The following ELMO3 variants were observed in gnomAD, a reference collection of about 807,000 sequenced individuals.
The protein encoded by ELMO3 is engulfment and cell motility 3.
In ELMO3, 81 loss-of-function variants were observed where a neutral mutation model predicts 89.0. That is an observed-to-expected ratio of 0.91 (90% CI 0.76 to 1.09). The LOEUF (loss-of-function observed/expected upper bound fraction) is 1.09. ELMO3 is among the 50% of genes least tolerant of loss of function. The probability of loss-of-function intolerance (pLI) is 0.00; values close to 1 mark genes in which losing one functional copy is unlikely to be tolerated. For synonymous variants in ELMO3, 406 were observed against 400.6 expected (o/e 1.01, Z -0.16); for missense variants, 959 against 972.8 (o/e 0.99, Z 0.19).
At chr16:67,200,116 C>G in intron 4 of ELMO3, 76 bp from the exon 5 acceptor site, 3 of 1,577,708 alleles carry the variant, frequency 1.9e-6, no homozygotes, top group Non-Finnish European at 2.6e-6. Context: ...AGTTGACGCC[C>G]GGGGCCGCAC....
At position 67,202,785 on chromosome 16, in the gene ELMO3, T is replaced by C. The variant is rs748638555; in HGVS notation, c.1557T>C (p.Pro519=). 3.1e-6 allele frequency: 5 copies of C among 1,613,154 alleles called. No homozygotes were observed. Among genetic ancestry groups the C allele is most frequent in the Non-Finnish European group, 4.2e-6 (5 of 1,179,828 alleles). Reference sequence around the variant, plus strand: ...ACCAGGAGGGCACACTGGCTCCCCCTATACTGTGAGTCTGGGGGGATGGAT... The same window carrying C: ...ACCAGGAGGGCACACTGGCTCCCCCCATACTGTGAGTCTGGGGGGATGGAT... ...RLHQEGTLAP[P]ILELREKLKP... The change falls in exon 15 of 20, where the codon CCT becomes CCC. Residue 519 remains proline, a synonymous_variant. Transcript: ENST00000393997.
rs370040668 is a variant in ELMO3, at chr16:67,202,004, C to T, written c.1078C>T (p.Arg360Cys). The change falls in exon 12 of 20, where the codon CGC becomes TGC. Residue 360 changes from arginine to cysteine, a missense_variant. Coordinates refer to ENST00000393997, the MANE Select transcript of ELMO3 (RefSeq NM_024712.5). ...CAGCAACCCAGCACAGGACCTGGAG[C>T]GCGTGCCCCCCGGTCTGCTGGCCCT... is the stretch of plus-strand genomic sequence containing the variant. Reference protein sequence around the residue: ...SNSNPAQDLERVPPGLLALDN... With the variant: ...SNSNPAQDLECVPPGLLALDN... The T allele has an allele frequency of 1.6e-5, 25 of 1,612,008 alleles. No individual in the cohort carries two copies. Among genetic ancestry groups the T allele is most frequent in the Middle Eastern group, 3.3e-4 (2 of 6,082 alleles).
chr16:67,199,594 G>C lies in ELMO3; in HGVS notation c.119+1G>C. The C allele has an allele frequency of 6.2e-7, 1 of 1,609,614 alleles. No individual in the cohort carries two copies. Among genetic ancestry groups the C allele is most frequent in the Non-Finnish European group, 8.5e-7 (1 of 1,179,242 alleles). On this transcript the variant is annotated splice_donor_variant, in intron 2 of 19. Transcript: ENST00000393997. LOFTEE classifies it high-confidence loss of function. Reference sequence around the variant, plus strand: ...CTGTGCTGAAGGAGGTGTGCGACGCGTGAGTGCTGCCGGGCCAGGGCCTGC... The same window carrying C: ...CTGTGCTGAAGGAGGTGTGCGACGCCTGAGTGCTGCCGGGCCAGGGCCTGC...
At position 67,199,267 on chromosome 16, in the gene ELMO3, A is replaced by G. The variant is rs1401304254; in HGVS notation, c.-60A>G. 6.2e-7 allele frequency: 1 copy of G among 1,612,026 alleles called. No homozygotes were observed. The highest frequency in any genetic ancestry group is 1.7e-5 in the Admixed American group (1 of 59,900). ...TCCCCAGGGGCCCCAGGCCAGGTGC[A>G]CCCTTGGCCGCAGGTGCACGGTCTC... On this transcript the variant is annotated 5_prime_UTR_variant, in exon 1 of 20. Coordinates refer to ENST00000393997, the MANE Select transcript of ELMO3 (RefSeq NM_024712.5).
Position 67,203,323 on chromosome 16 carries a change from G to A in ELMO3, c.1781-4G>A. On this transcript the variant is annotated splice_polypyrimidine_tract_variant and splice_region_variant and intron_variant, in intron 17 of 19. Coordinates refer to ENST00000393997, the MANE Select transcript of ELMO3 (RefSeq NM_024712.5). This position sits in a 1 kb window ranked among gnomAD's most constrained non-coding sequence, Gnocchi z 4.6. ...CAGTGCTCAGCCCAGCCTTCTTCCT[G>A]CAGTCCCTGTGGCCGACATGAGGGC... 1.3e-6 allele frequency: 2 copies of A among 1,596,236 alleles called. No homozygotes were observed. The highest frequency in any genetic ancestry group is 1.7e-6 in the Non-Finnish European group (2 of 1,174,034).
rs1597278593 is a variant in ELMO3 at position 67,199,306 on chromosome 16, C to T, written c.-21C>T. 6.2e-7 allele frequency: 1 copy of T among 1,612,438 alleles called. No individual in the cohort carries two copies. The highest frequency in any genetic ancestry group is 8.5e-7 in the Non-Finnish European group (1 of 1,179,876). ...GTGCACGGTCTCCGGAAAGTGCAGGCGCCCACGTCCCAGCTGGACCATGGC... is the reference window on the plus strand; with the variant it reads ...GTGCACGGTCTCCGGAAAGTGCAGGTGCCCACGTCCCAGCTGGACCATGGC... On this transcript the variant is annotated 5_prime_UTR_variant, in exon 1 of 20. Coordinates refer to ENST00000393997, the MANE Select transcript of ELMO3 (RefSeq NM_024712.5).
chr16:67,201,825 C>T lies in ELMO3; in HGVS notation c.1002C>T (p.Asp334=), dbSNP rs1463915941. 1 of 1,611,822 alleles carries T rather than the reference C, an allele frequency of 6.2e-7. No homozygotes were observed. Among genetic ancestry groups the T allele is most frequent in the Non-Finnish European group, 8.5e-7 (1 of 1,179,896 alleles). Residue 334 remains aspartate (D), a synonymous_variant, in exon 11 of 20, where the codon GAC becomes GAT. Transcript: ENST00000393997. ...CCTCGGGTGCCGGGCTAAGTGCTGACCGTCGCCGTTCCCTCTGTGCCCGAG... is the reference window on the plus strand; with the variant it reads ...CCTCGGGTGCCGGGCTAAGTGCTGATCGTCGCCGTTCCCTCTGTGCCCGAG... ...GESSGAGLSA[D]RRRSLCAREF...
At chr16:67,201,257 CTG>C (rs2033101066) in intron 8 of ELMO3, 126 bp from the exon 9 acceptor site, 1 of 667,182 alleles carries the variant, frequency 1.5e-6, no homozygotes, top group South Asian at 1.7e-5. Context: ...CGGGGTTTCA[CTG>C]TGTTAGCCAG....
Position 67,201,308 on chromosome 16 carries a change from T to C in ELMO3, c.745-77T>C, listed in dbSNP as rs545366249. 1,978 of 1,593,362 alleles carry C rather than the reference T, an allele frequency of 1.2e-3. 24 individuals carry two copies. In the African/African-American group the frequency reaches 0.023, roughly 19 times the overall value. ...TCCTGACCTCGTGATCCGCCCGCCTTGGCCTCCCAAAGTGCTGGGATTACA... is the reference window on the plus strand; with the variant it reads ...TCCTGACCTCGTGATCCGCCCGCCTCGGCCTCCCAAAGTGCTGGGATTACA... On this transcript the variant is annotated intron_variant, in intron 8 of 19. Transcript: ENST00000393997.
In ELMO3 at chr16:67,203,375, A is replaced by G. The variant is rs766949318; in HGVS notation, c.1829A>G (p.His610Arg). ...CTCCTGACAGGCAAGGACTGCCCCCATGTCCGGGAGAAGGGCTCCGGGAAG... is the reference window on the plus strand; with the variant it reads ...CTCCTGACAGGCAAGGACTGCCCCCGTGTCCGGGAGAAGGGCTCCGGGAAG... ...RALLTGKDCPHVREKGSGKQN... is the reference protein window; with the variant it reads ...RALLTGKDCPRVREKGSGKQN... Residue 610 changes from histidine (H) to arginine (R), a missense_variant, in exon 18 of 20, where the codon CAT becomes CGT. Transcript: ENST00000393997. The surrounding 1 kb of genome is among the most constrained non-coding windows in gnomAD (Gnocchi z 4.6). 5.6e-6 allele frequency: 9 copies of G among 1,610,134 alleles called. No homozygotes were observed. Among genetic ancestry groups the G allele is most frequent in the Non-Finnish European group, 7.6e-6 (9 of 1,178,930 alleles).
chr16:67,201,719 C>T (rs372685567), intron 10 of ELMO3, 23 bp from the exon 11 acceptor site: 4 of 1,608,072 alleles, frequency 2.5e-6, no homozygotes, highest in Non-Finnish European at 2.5e-6. Context: ...ATCCCCTCCC[C>T]CGCCACCCAA....
intron 3 of ELMO3, 35 bp from the exon 4 acceptor site, chr16:67,199,916 C>G: frequency 2.5e-6 from 4 of 1,613,906 alleles, no homozygotes; most frequent in Non-Finnish European, 3.4e-6. Context: ...CGGAGCCCTC[C>G]CTGACCTCGC....
At position 67,200,874 on chromosome 16, in the gene ELMO3, C is replaced by A; in HGVS notation, c.666-16C>A. ...CTGGAGCCTGAATGTTCCACTGAGC[C>A]CTCTTCTTGCCATAGGATGAACCAG... On this transcript the variant is annotated splice_polypyrimidine_tract_variant and intron_variant, in intron 7 of 19. Transcript: ENST00000393997. 6.2e-7 allele frequency: 1 copy of A among 1,613,684 alleles called. No homozygotes were observed. The highest frequency in any genetic ancestry group is 8.5e-7 in the Non-Finnish European group (1 of 1,179,888).
rs1207931572 is a variant in ELMO3, at chr16:67,200,931, C to T, written c.707C>T (p.Thr236Ile). ...CAAACCAAGGCCATGGCCCTGCTGA[C>T]AGCCTTGCTGCAGGGGGCCAGCCCT... ...QLQTKAMALL[T>I]ALLQGASPVE... The change falls in exon 8 of 20, where the codon ACA becomes ATA. Residue 236 changes from threonine (T) to isoleucine (I), a missense_variant. Physicochemically the swap from Thr to Ile is moderately conservative, Grantham distance 89. Coordinates refer to ENST00000393997, the MANE Select transcript of ELMO3 (RefSeq NM_024712.5). 3 of 1,612,462 alleles carry T rather than the reference C, an allele frequency of 1.9e-6. No homozygotes were observed. The African/African-American group carries it at 4.0e-5, about 22-fold the overall frequency.
Position 67,202,727 on chromosome 16 carries a change from A to T in ELMO3, c.1499A>T (p.Glu500Val). ...RTKVNALTYG[E>V]VLRLRQTERL... ...AAGGTGAATGCGCTCACTTATGGGG[A>T]GGTGCTGCGGCTGCGGCAGACTGAA... Residue 500 changes from glutamate (E) to valine (V), a missense_variant, in exon 15 of 20, where the codon GAG (glutamate) becomes GTG (valine). Physicochemically the swap from Glu to Val is moderately radical, Grantham distance 121. Transcript: ENST00000393997. The T allele has an allele frequency of 6.2e-7, 1 of 1,613,560 alleles. No individual in the cohort carries two copies. Among genetic ancestry groups the T allele is most frequent in the Non-Finnish European group, 8.5e-7 (1 of 1,179,978 alleles).
In ELMO3 at chr16:67,203,305, C is replaced by A. The variant is rs369205157; in HGVS notation, c.1781-22C>A. On this transcript the variant is annotated intron_variant, in intron 17 of 19. Transcript: ENST00000393997. This position sits in a 1 kb window ranked among gnomAD's most constrained non-coding sequence, Gnocchi z 4.6. The stretch of plus-strand genomic sequence containing the variant: ...CCGGGGCTGCCAGGGCTGCAGTGCT[C>A]AGCCCAGCCTTCTTCCTGCAGTCCC... The A allele has an allele frequency of 1.1e-5, 17 of 1,591,724 alleles. No homozygotes were observed. In the South Asian group the frequency reaches 1.7e-4, roughly 16 times the overall value.
Position 67,202,691 on chromosome 16 carries a change from T to A in ELMO3, c.1463T>A (p.Leu488His). Reference sequence around the variant, plus strand: ...GCCCTGAAGCCCACTTCCCTGGAGCTCTTCCGAACCAAGGTGAATGCGCTC... The same window carrying A: ...GCCCTGAAGCCCACTTCCCTGGAGCACTTCCGAACCAAGGTGAATGCGCTC... Reference protein sequence around the residue: ...TLALKPTSLELFRTKVNALTY... With the variant: ...TLALKPTSLEHFRTKVNALTY... Residue 488 changes from leucine (L) to histidine (H), a missense_variant, in exon 15 of 20, where the codon CTC becomes CAC. Coordinates refer to ENST00000393997, the MANE Select transcript of ELMO3 (RefSeq NM_024712.5). 1 of 1,613,648 alleles carries A rather than the reference T, an allele frequency of 6.2e-7. No individual in the cohort carries two copies. Among genetic ancestry groups the A allele is most frequent in the Non-Finnish European group, 8.5e-7 (1 of 1,179,974 alleles).
rs559948083 is a variant in ELMO3, at chr16:67,199,567, C to G, written c.93C>G (p.Ala31=). 1.7e-5 allele frequency: 27 copies of G among 1,608,622 alleles called. 1 individual carries two copies. Among genetic ancestry groups the G allele is most frequent in the Non-Finnish European group, 2.1e-5 (25 of 1,179,376 alleles). ...LIQLDQAKPL[A]AVLKEVCDAW... is the part of the protein sequence containing the mutation. ...TCCACTTGCAGGCGAAGCCCCTGGC[C>G]GCTGTGCTGAAGGAGGTGTGCGACG... Residue 31 remains alanine (A), a synonymous_variant, in exon 2 of 20, where the codon GCC becomes GCG. Coordinates refer to ENST00000393997, the MANE Select transcript of ELMO3 (RefSeq NM_024712.5).
At chr16:67,201,499 C>T (rs1362053797) in intron 9 of ELMO3, 21 bp from the exon 10 acceptor site, 1 of 1,614,010 alleles carries the variant, frequency 6.2e-7, no homozygotes, top group African/African-American at 1.3e-5. Context: ...TCGCTTACAC[C>T]AGGGACTGGC....
Sources: allele counts gnomAD v4.1 joint callset, GRCh38; gene constraint gnomAD v4.1.1; non-coding constraint Gnocchi (gnomAD v3.1); transcripts MANE v1.5; gene names NCBI Gene and HGNC (gene_info 2026-07-23, HGNC 2026-07-21).